Variants in ZBTB38 observed in about 807,000 individuals in gnomAD.
ZBTB38 encodes zinc finger and BTB domain containing 38.
In ZBTB38, 20 loss-of-function variants were observed where a neutral mutation model predicts 76.8. That is an observed-to-expected ratio of 0.26 (90% CI 0.18 to 0.38). The LOEUF is 0.38. ZBTB38 is among the 10% of genes least tolerant of loss of function. The probability of loss-of-function intolerance (pLI) is 1.00; values close to 1 mark genes in which losing one functional copy is unlikely to be tolerated. For synonymous variants in ZBTB38, 504 were observed against 544.2 expected, an observed-to-expected ratio of 0.93 and a Z score of 1.03; for missense variants, 1,082 against 1,482.3, an observed-to-expected ratio of 0.73 and a Z score of 4.43.
At chr3:141,440,575 T>G (rs1249746845) in intron 5 of ZBTB38, among the ~76,000 whole-genome samples, 3 of 152,224 alleles carry the variant, frequency 2.0e-5, no homozygotes, top group Non-Finnish European at 4.4e-5. Context: ...GAGACGTCTC[T>G]TAATACAGAA....
chr3:141,418,761 C>G (rs781686122), intron 5 of ZBTB38, among the ~76,000 whole-genome samples: 4 of 152,168 alleles, frequency 2.6e-5, no homozygotes, highest in Non-Finnish European at 4.4e-5. Flanking sequence ...TATTTGCTAG[C>G]TAAGGTCTCT....
intron 5 of ZBTB38, chr3:141,432,343 T>A: frequency 1.1e-6 from 1 of 909,698 alleles, no homozygotes; most frequent in Non-Finnish European, 1.3e-6. Context: ...AGAAAGTTGC[T>A]CTGTCGATTC....
intron 1 of ZBTB38, among the ~76,000 whole-genome samples, chr3:141,349,942 AT>A (rs773707528): frequency 7.9e-5 from 12 of 152,198 alleles, no homozygotes; most frequent in Non-Finnish European, 1.6e-4. Context: ...TATTTAAAAC[AT>A]TTACAAAAAT....
intron 2 of ZBTB38, among the ~76,000 whole-genome samples, chr3:141,379,323 A>T (rs1235474188): frequency 6.6e-6 from 1 of 152,108 alleles, no homozygotes; most frequent in Non-Finnish European, 1.5e-5. Context: ...CTCGAGCTGT[A>T]TTTACTCCCA....
rs2150978042 is a variant in ZBTB38 at position 141,443,232 on chromosome 3, A to G, written c.844A>G (p.Ile282Val). The G allele has an allele frequency of 6.2e-7, 1 of 1,614,220 alleles. No homozygotes were observed. Among genetic ancestry groups the G allele is most frequent in the Non-Finnish European group, 8.5e-7 (1 of 1,180,038 alleles). ...GGATTCGGATTCAGCCACAGAAAAT[A>G]TACCACCCCCTCCAGTATCCAACTT... ...PQDSDSATENIPPPPVSNLEV... is the reference protein window; with the variant it reads ...PQDSDSATENVPPPPVSNLEV... The change falls in exon 6 of 6, where the codon ATA (isoleucine) becomes GTA (valine). Residue 282 changes from isoleucine (I) to valine (V), a missense_variant. Physicochemically the swap from Ile to Val is conservative, Grantham distance 29 (BLOSUM62 3). This residue lies in a region of ZBTB38 where 324 missense variants were observed against 359.1 expected (regional missense o/e 0.90). Coordinates refer to ENST00000321464, the MANE Select transcript of ZBTB38 (RefSeq NM_001376113.1). This position sits in a 1 kb window ranked among gnomAD's most constrained non-coding sequence, Gnocchi z 5.6.
In ZBTB38 at chr3:141,443,719, T is replaced by C; in HGVS notation, c.1331T>C (p.Leu444Ser). The C allele has an allele frequency of 1.2e-6, 2 of 1,614,034 alleles. No homozygotes were observed. The highest frequency in any genetic ancestry group is 1.7e-6 in the Non-Finnish European group (2 of 1,180,046). ...GAATTTTCCAGTACCGGAAGTACTT[T>C]GCCAGACACGGACCACATGGTTAAA... Reference protein sequence around the residue: ...IGEFSSTGSTLPDTDHMVKFV... With the variant: ...IGEFSSTGSTSPDTDHMVKFV... Residue 444 changes from leucine to serine, a missense_variant, in exon 6 of 6, where the codon TTG (leucine) becomes TCG (serine). Transcript: ENST00000321464. This position sits in a 1 kb window ranked among gnomAD's most constrained non-coding sequence, Gnocchi z 5.6.
intron 1 of ZBTB38, among the ~76,000 whole-genome samples, chr3:141,357,092 G>A (rs1292907885): frequency 6.6e-6 from 1 of 152,102 alleles, no homozygotes; most frequent in Non-Finnish European, 1.5e-5. Context: ...TTGACCATTA[G>A]GCATATTCTT....
chr3:141,342,733 T>TTA (rs2148911512), intron 1 of ZBTB38, among the ~76,000 whole-genome samples: 1 of 148,178 alleles, frequency 6.7e-6, no homozygotes, highest in East Asian at 1.9e-4. Flanking sequence ...ATCTTTTTTT[T>TTA]TTTTTTTTTT....
intron 5 of ZBTB38, among the ~76,000 whole-genome samples, chr3:141,419,815 C>T (rs930856383): frequency 3.9e-5 from 6 of 152,038 alleles, no homozygotes; most frequent in Non-Finnish European, 8.8e-5. Context: ...GGAGAAACCC[C>T]ATCTCTACTA....
intron 5 of ZBTB38, among the ~76,000 whole-genome samples, chr3:141,411,318 C>T (rs1353187258): frequency 6.6e-6 from 1 of 152,158 alleles, no homozygotes; most frequent in African/African-American, 2.4e-5. Flanking sequence ...TTTGAAAAAC[C>T]TACTCAGCAT....
Position 141,443,756 on chromosome 3 carries a change from G to A in ZBTB38, c.1368G>A (p.Gly456=). 6.2e-7 allele frequency: 1 copy of A among 1,613,890 alleles called. No individual in the cohort carries two copies. The highest frequency in any genetic ancestry group is 8.5e-7 in the Non-Finnish European group (1 of 1,180,032). Residue 456 remains glycine (G), a synonymous_variant, in exon 6 of 6, where the codon GGG becomes GGA. Coordinates refer to ENST00000321464, the MANE Select transcript of ZBTB38 (RefSeq NM_001376113.1). This position sits in a 1 kb window ranked among gnomAD's most constrained non-coding sequence, Gnocchi z 5.6. ...DTDHMVKFVN[G]QMLYSCVVCK... is the part of the protein sequence containing the mutation. ...ACCACATGGTTAAATTTGTTAATGG[G>A]CAAATGCTCTACAGTTGCGTTGTGT...
At chr3:141,434,397 G>A (rs1052420342) in intron 5 of ZBTB38, among the ~76,000 whole-genome samples, 3 of 152,052 alleles carry the variant, frequency 2.0e-5, no homozygotes, top group Admixed American at 2.0e-4. Context: ...TGTGCACTGG[G>A]GGGGCGGGGG....
intron 1 of ZBTB38, among the ~76,000 whole-genome samples, chr3:141,340,640 G>A (rs1943144988): frequency 6.6e-6 from 1 of 152,298 alleles, no homozygotes; most frequent in Admixed American, 6.5e-5. Flanking sequence ...GCTCACGCCT[G>A]TAATCCCAGC....
chr3:141,363,607 A>G (rs539340210), upstream of ZBTB38, among the ~76,000 whole-genome samples: 14 of 152,310 alleles, frequency 9.2e-5, no homozygotes, highest in Admixed American at 9.2e-4. Flanking sequence ...TGGTCAGTTG[A>G]TTTTTGACAA....
rs1003024795 is a variant in ZBTB38, at chr3:141,443,277, A to G, written c.889A>G (p.Ser297Gly). ...VSNLEVNQER[S>G]PQPAAVLTRS... ...CAACTTAGAGGTTAATCAAGAAAGAAGTCCACAACCAGCTGCTGTTCTCAC... is the reference window on the plus strand; with the variant it reads ...CAACTTAGAGGTTAATCAAGAAAGAGGTCCACAACCAGCTGCTGTTCTCAC... The change falls in exon 6 of 6, where the codon AGT becomes GGT. Residue 297 changes from serine (S) to glycine (G), a missense_variant. Transcript: ENST00000321464. The surrounding 1 kb of genome is among the most constrained non-coding windows in gnomAD (Gnocchi z 5.6). 1.2e-5 allele frequency: 20 copies of G among 1,614,120 alleles called. No homozygotes were observed. The highest frequency in any genetic ancestry group is 1.7e-5 in the Non-Finnish European group (20 of 1,180,048).
At chr3:141,327,393 G>C (rs1466470348) in intron 1 of ZBTB38, among the ~76,000 whole-genome samples, 1 of 152,152 alleles carries the variant, frequency 6.6e-6, no homozygotes, top group East Asian at 1.9e-4. Context: ...GATGTGACAG[G>C]AACAGCACCT....
At chr3:141,352,451 C>T (rs34169305) in intron 1 of ZBTB38, among the ~76,000 whole-genome samples, 39,984 of 151,808 alleles carry the variant, frequency 0.26, 5,893 homozygotes, top group Non-Finnish European at 0.32. Context: ...TGAAGATATA[C>T]AGATGGAGGG....
At chr3:141,334,403 T>TC (rs2148888639) in intron 1 of ZBTB38, among the ~76,000 whole-genome samples, 1 of 124,624 alleles carries the variant, frequency 8.0e-6, no homozygotes, top group South Asian at 2.6e-4. Context: ...CTTCCTTCCT[T>TC]CTTTCCTTCC....
Position 141,447,372 on chromosome 3 carries a change from A to AAGGGGT in ZBTB38, c.*1396_*1397insAGGGGT. On this transcript the variant is annotated 3_prime_UTR_variant, in exon 6 of 6. Transcript: ENST00000321464. ...TGTCTTCATATTTGCAGACATCTAGACCCCTTGCTAAAAACCCACTGAAGT... is the reference window on the plus strand; with the variant it reads ...TGTCTTCATATTTGCAGACATCTAGAAGGGGTCCCCTTGCTAAAAACCCACTGAAGT... 6.6e-6 allele frequency: 1 copy of AAGGGGT among 152,454 alleles called. No homozygotes were observed. Among genetic ancestry groups the AAGGGGT allele is most frequent in the East Asian group, 1.9e-4 (1 of 5,174 alleles). 9.4% of individuals were successfully genotyped at this position (152,454 alleles called of 1,614,324 possible).
Sources: allele counts gnomAD v4.1 joint callset (sites outside exome capture counted in the v4.1 genomes callset), GRCh38; gene constraint gnomAD v4.1.1; regional missense constraint gnomAD v4.1.1; non-coding constraint Gnocchi (gnomAD v3.1); transcripts MANE v1.5; gene names NCBI Gene and HGNC (gene_info 2026-07-23, HGNC 2026-07-21).